The following LSM14A variants were observed in gnomAD, a reference collection of about 807,000 sequenced individuals.
LSM14A encodes LSM14A mRNA processing body assembly factor.
In LSM14A, 14 loss-of-function variants were observed where a neutral mutation model predicts 52.4. The ratio of observed to expected loss-of-function variants is 0.27; its 90% CI spans 0.18 to 0.42. LSM14A has a LOEUF of 0.42. Among genes scored for constraint, LSM14A ranks in the 10% least tolerant of loss-of-function variants. LSM14A has a pLI of 1.00. For missense variants in LSM14A, 417 were observed against 581.8 expected, an observed-to-expected ratio of 0.72 and a Z score of 2.91; for synonymous variants, 185 against 200.3, an observed-to-expected ratio of 0.92 and a Z score of 0.64.
At chr19:34,211,220 C>G (rs942412613) in intron 4 of LSM14A, among the ~76,000 whole-genome samples, 4 of 151,488 alleles carry the variant, frequency 2.6e-5, no homozygotes, top group African/African-American at 9.7e-5. Flanking sequence ...GGTGGGAGAA[C>G]CCGGGAGGCA....
chr19:34,210,585 T>C (rs1363673888), intron 4 of LSM14A, among the ~76,000 whole-genome samples: 1 of 151,624 alleles, frequency 6.6e-6, no homozygotes, highest in African/African-American at 2.4e-5. Context: ...TTGCTTAATT[T>C]TTAAACATTC....
At chr19:34,226,375 C>CTTTTTTTT (rs528137318) in intron 9 of LSM14A, 491 of 1,195,842 alleles carry the variant, frequency 4.1e-4, no homozygotes, top group South Asian at 1.7e-3. Flanking sequence ...ATCTCTTTCT[C>CTTTTTTTT]TTTTTTTTTT....
At chr19:34,177,207 G>A (rs2069146140) in intron 1 of LSM14A, among the ~76,000 whole-genome samples, 1 of 152,090 alleles carries the variant, frequency 6.6e-6, no homozygotes, top group African/African-American at 2.4e-5. Context: ...TAAATTAACA[G>A]AAGTTCTTCA....
intron 1 of LSM14A, among the ~76,000 whole-genome samples, chr19:34,177,873 C>T (rs1319330055): frequency 6.6e-6 from 1 of 151,894 alleles, no homozygotes; most frequent in Non-Finnish European, 1.5e-5. Context: ...TAGAACAAGA[C>T]CTTGTCTTAA....
chr19:34,194,150 G>C (rs1269242649), intron 1 of LSM14A, among the ~76,000 whole-genome samples: 1 of 152,122 alleles, frequency 6.6e-6, no homozygotes, highest in East Asian at 1.9e-4. Context: ...TCCAGCCTAG[G>C]GGACAGAGAC....
chr19:34,184,416 T>C (rs2069734472), intron 1 of LSM14A, among the ~76,000 whole-genome samples: 1 of 152,206 alleles, frequency 6.6e-6, no homozygotes, highest in Non-Finnish European at 1.5e-5. Context: ...ATTCTTGCAT[T>C]TTTAGAAACC....
Position 34,172,529 on chromosome 19 carries a change from T to A in LSM14A, c.-114T>A. ...AGCGGAGCCGGCGCCGCCGCCATGT[T>A]GGGTCTGAAGCGGCTGCTGTAGGCG... On this transcript the variant is annotated 5_prime_UTR_variant, in exon 1 of 10. The change creates a premature stop within an existing upstream ORF in the 5' untranslated region. Transcript: ENST00000544216. The A allele has an allele frequency of 8.3e-7, 1 of 1,198,864 alleles. No homozygotes were observed. The highest frequency in any genetic ancestry group is 1.1e-6 in the Non-Finnish European group (1 of 934,630). 74.3% of individuals were successfully genotyped at this position (1,198,864 alleles called of 1,614,324 possible).
intron 4 of LSM14A, 66 bp downstream of exon 4, chr19:34,209,117 T>A: frequency 7.2e-7 from 1 of 1,380,270 alleles, no homozygotes; most frequent in South Asian, 1.6e-5. Context: ...TCTTTCTGAA[T>A]GTAAGAGCTT....
At position 34,172,625 on chromosome 19, in the gene LSM14A, A is replaced by AGCGGCG; in HGVS notation, c.-8_-3dup. 1 of 1,550,948 alleles carries AGCGGCG rather than the reference A, an allele frequency of 6.4e-7. No individual in the cohort carries two copies. Among genetic ancestry groups the AGCGGCG allele is most frequent in the South Asian group, 1.2e-5 (1 of 84,436 alleles). ...ATCTGCCTCTCTGCGAGCAGCTGGG[A>AGCGGCG]GCGGCGGCGGCGGCGCCATGAGCGG... On this transcript the variant is annotated 5_prime_UTR_variant, in exon 1 of 10. Coordinates refer to ENST00000544216, the MANE Select transcript of LSM14A (RefSeq NM_015578.4).
chr19:34,190,258 G>C (rs2070263945), intron 1 of LSM14A, among the ~76,000 whole-genome samples: 1 of 151,992 alleles, frequency 6.6e-6, no homozygotes, highest in Non-Finnish European at 1.5e-5. Flanking sequence ...GAATTCTATT[G>C]CATTGAAAAC....
chr19:34,182,857 G>T (rs80306901), intron 1 of LSM14A, among the ~76,000 whole-genome samples: 1 of 114,942 alleles, frequency 8.7e-6, no homozygotes, highest in African/African-American at 3.3e-5. Context: ...AAAAAAAAAA[G>T]AGTCAACTCT....
chr19:34,214,455 C>T (rs894147326), intron 4 of LSM14A, among the ~76,000 whole-genome samples: 4 of 151,730 alleles, frequency 2.6e-5, no homozygotes, highest in Non-Finnish European at 5.9e-5. Context: ...AACACAGGCA[C>T]GCGCCACCAC....
chr19:34,198,148 A>G (rs934008194), intron 3 of LSM14A, among the ~76,000 whole-genome samples: 1 of 151,962 alleles, frequency 6.6e-6, no homozygotes, highest in Non-Finnish European at 1.5e-5. Context: ...TTACTGTTTC[A>G]CTGCACCACA....
chr19:34,221,472 C>T, intron 8 of LSM14A, 35 bp from the exon 9 acceptor site: 1 of 1,593,566 alleles, frequency 6.3e-7, no homozygotes, highest in Admixed American at 1.7e-5. Context: ...TTCTTTTAAA[C>T]CTGATATGCT....
In LSM14A at chr19:34,215,146, C is replaced by A. The variant is rs557645681; in HGVS notation, c.561C>A (p.Asp187Glu). 93 of 1,613,144 alleles carry A rather than the reference C, an allele frequency of 5.8e-5. No homozygotes were observed. In the South Asian group the frequency reaches 8.5e-4, roughly 15 times the overall value. Residue 187 changes from aspartate to glutamate, a missense_variant, in exon 5 of 10, where the codon GAC (aspartate) becomes GAA (glutamate). Asp to Glu is a conservative substitution (Grantham distance 45). Coordinates refer to ENST00000544216, the MANE Select transcript of LSM14A (RefSeq NM_015578.4). Reference sequence around the variant, plus strand: ...TAGGTCGCTCAAGCCCTCAGTTAGACCCTTTGAGAAAAAGCCCAACCATGG... The same window carrying A: ...TAGGTCGCTCAAGCCCTCAGTTAGAACCTTTGAGAAAAAGCCCAACCATGG... ...LSQGRSSPQL[D>E]PLRKSPTMEQ...
chr19:34,201,515 G>T (rs1038270139), intron 3 of LSM14A, among the ~76,000 whole-genome samples: 1 of 152,096 alleles, frequency 6.6e-6, no homozygotes, highest in African/African-American at 2.4e-5. Context: ...GCTAATTTTT[G>T]TATTTTTAGT....
At chr19:34,219,937 A>G in intron 8 of LSM14A, 60 bp downstream of exon 8, 1 of 1,274,664 alleles carries the variant, frequency 7.8e-7, no homozygotes, top group Non-Finnish European at 1.1e-6. Context: ...AAATGGTTTC[A>G]TGTAAATTCA....
intron 1 of LSM14A, among the ~76,000 whole-genome samples, chr19:34,180,376 G>A (rs2069395103): frequency 6.6e-6 from 1 of 152,124 alleles, no homozygotes; most frequent in Non-Finnish European, 1.5e-5. Context: ...CAGCTTTTTG[G>A]TCTTGGACAA....
chr19:34,192,316 G>GGTTTTTTTTTTTTTTTTTTTTTTTTT (rs1341848304), intron 1 of LSM14A, among the ~76,000 whole-genome samples: 2 of 65,822 alleles, frequency 3.0e-5, no homozygotes, highest in African/African-American at 5.8e-5. Context: ...CATTCTTTTT[G>GGTTTTTTTTTTTTTTTTTTTTTTTTT]TTGTTTTTTT....
Sources: gnomAD v4.1 joint callset for allele counts (sites outside exome capture counted in the v4.1 genomes callset) on GRCh38, gnomAD v4.1.1 for gene constraint, MANE v1.5 for transcripts, NCBI Gene and HGNC (gene_info 2026-07-23, HGNC 2026-07-21) for gene names.